Variants in PNPLA6 observed in about 807,000 individuals in gnomAD.
PNPLA6 encodes patatin like domain 6, lysophospholipase.
A neutral mutation model predicts 153.7 loss-of-function variants in PNPLA6; 105 were observed. The observed-to-expected ratio is 0.68, with a 90% CI of 0.58 to 0.80. PNPLA6 has a LOEUF of 0.80. PNPLA6 is among the 30% of genes least tolerant of loss of function. The probability of loss-of-function intolerance (pLI) is 0.00; values close to 1 mark genes in which losing one functional copy is unlikely to be tolerated. For missense variants in PNPLA6, 1,423 were observed against 1,919.3 expected, an observed-to-expected ratio of 0.74 and a Z score of 4.83; for synonymous variants, 825 against 822.2, an observed-to-expected ratio of 1.00 and a Z score of -0.06.
chr19:7,536,610 C>A, intron 3 of PNPLA6, 64 bp downstream of exon 3: 1 of 1,052,288 alleles, frequency 9.5e-7, no homozygotes, highest in Non-Finnish European at 1.5e-6. Context: ...GAGTAATCAG[C>A]TTACACCAAA....
chr19:7,557,151 T>G lies in PNPLA6; in HGVS notation c.3281-17T>G, dbSNP rs764598820. 6.3e-7 allele frequency: 1 copy of G among 1,581,012 alleles called. No homozygotes were observed. Among genetic ancestry groups the G allele is most frequent in the Admixed American group, 1.7e-5 (1 of 59,910 alleles). ...GCGTGTCTGTGCGTGTTTGTGTCTG[T>G]GTGTCCCACCGCGCAGGCTCCCTGT... On this transcript the variant is annotated splice_polypyrimidine_tract_variant and intron_variant, in intron 26 of 31. Coordinates refer to ENST00000600737, the MANE Select transcript of PNPLA6 (RefSeq NM_001166114.2).
intron 16 of PNPLA6, 74 bp downstream of exon 16, chr19:7,550,714 C>A: frequency 2.5e-6 from 4 of 1,570,572 alleles, no homozygotes; most frequent in East Asian, 2.3e-5. Context: ...CACATCATCC[C>A]GGGTAATCCA....
At position 7,561,121 on chromosome 19, in the gene PNPLA6, C is replaced by A; in HGVS notation, c.3913+11C>A. The A allele has an allele frequency of 6.4e-7, 1 of 1,554,838 alleles. No homozygotes were observed. The highest frequency in any genetic ancestry group is 8.6e-7 in the Non-Finnish European group (1 of 1,156,322). Reference sequence around the variant, plus strand: ...ATGGCTGTGCTGACGGTGAGGGGCCCAGGGGACCCCCCAAGAGGGAGGGGA... The same window carrying A: ...ATGGCTGTGCTGACGGTGAGGGGCCAAGGGGACCCCCCAAGAGGGAGGGGA... On this transcript the variant is annotated intron_variant, in intron 30 of 31. Coordinates refer to ENST00000600737, the MANE Select transcript of PNPLA6 (RefSeq NM_001166114.2).
In PNPLA6 at chr19:7,541,786, C is replaced by T. The variant is rs1404742373; in HGVS notation, c.1168+102C>T. On this transcript the variant is annotated intron_variant, in intron 9 of 31. Coordinates refer to ENST00000600737, the MANE Select transcript of PNPLA6 (RefSeq NM_001166114.2). This position sits in a 1 kb window ranked among gnomAD's most constrained non-coding sequence, Gnocchi z 5.2. ...CTGCATAGAGTCAACCTGACCTTGT[C>T]CAGCCCCACAGGGACTCCATAGCGG... 8.2e-6 allele frequency: 11 copies of T among 1,348,620 alleles called. No individual in the cohort carries two copies. Among genetic ancestry groups the T allele is most frequent in the African/African-American group, 1.4e-5 (1 of 69,606 alleles). 83.5% of individuals were successfully genotyped at this position (1,348,620 alleles called of 1,614,324 possible). A position where few individuals can be genotyped will look rare whatever the true frequency, so the allele number is the denominator to read the frequency against.
In PNPLA6 at chr19:7,555,863, G is replaced by A. The variant is rs1298699333; in HGVS notation, c.3093+100G>A. The A allele has an allele frequency of 2.4e-6, 3 of 1,247,940 alleles. No individual in the cohort carries two copies. The highest frequency in any genetic ancestry group is 2.9e-5 in the African/African-American group (2 of 68,234). 77.3% of individuals were successfully genotyped at this position (1,247,940 alleles called of 1,614,324 possible). A position where few individuals can be genotyped will look rare whatever the true frequency, so the allele number is the denominator to read the frequency against. On this transcript the variant is annotated intron_variant, in intron 24 of 31. Coordinates refer to ENST00000600737, the MANE Select transcript of PNPLA6 (RefSeq NM_001166114.2). The surrounding 1 kb of genome is among the most constrained non-coding windows in gnomAD (Gnocchi z 6.3). ...ATGGGGGAGCCTCCGGGGTCAGGGTGACCCTTCCTGATTAAATCTATGATC... is the reference window on the plus strand; with the variant it reads ...ATGGGGGAGCCTCCGGGGTCAGGGTAACCCTTCCTGATTAAATCTATGATC...
chr19:7,557,437 C>T (rs2023931482), intron 27 of PNPLA6, 153 bp downstream of exon 27: 1 of 688,892 alleles, frequency 1.5e-6, no homozygotes, highest in Admixed American at 2.0e-5. Flanking sequence ...CATACGATCA[C>T]TTGCACAAAA....
intron 2 of PNPLA6, 66 bp downstream of exon 2, chr19:7,536,339 T>G: frequency 1.4e-6 from 2 of 1,442,850 alleles, no homozygotes; most frequent in Non-Finnish European, 2.0e-6. Context: ...CTATTTACAC[T>G]TCTTAGTGTC....
At chr19:7,546,105 T>C (rs2023376360) in intron 13 of PNPLA6, among the ~76,000 whole-genome samples, 1 of 151,986 alleles carries the variant, frequency 6.6e-6, no homozygotes, top group Non-Finnish European at 1.5e-5. Flanking sequence ...TCTAAGGGCA[T>C]GACCTAAGAA....
At chr19:7,536,380 C>A in intron 2 of PNPLA6, 69 bp from the exon 3 acceptor site, 1 of 1,392,844 alleles carries the variant, frequency 7.2e-7, no homozygotes, top group Non-Finnish European at 1.0e-6. Flanking sequence ...TGGAGACCCC[C>A]TGGATCCGTC....
intron 18 of PNPLA6, among the ~76,000 whole-genome samples, chr19:7,551,805 G>C (rs1324693676): frequency 6.6e-6 from 1 of 152,144 alleles, no homozygotes; most frequent in African/African-American, 2.4e-5. Context: ...TCCTAGATCA[G>C]AATATGATGG....
chr19:7,542,508 A>C (rs891538199), intron 10 of PNPLA6, 53 bp from the exon 11 acceptor site: 1 of 1,401,466 alleles, frequency 7.1e-7, no homozygotes, highest in Admixed American at 1.7e-5. Context: ...CTCATTTTTT[A>C]AAAATCTTAC....
chr19:7,541,629 G>A lies in PNPLA6; in HGVS notation c.1113G>A (p.Arg371=). The A allele has an allele frequency of 1.9e-6, 3 of 1,588,588 alleles. No individual in the cohort carries two copies. The highest frequency in any genetic ancestry group is 2.6e-6 in the Non-Finnish European group (3 of 1,168,192). Residue 371 remains arginine (R), a synonymous_variant, in exon 9 of 32, where the codon AGG becomes AGA. Coordinates refer to ENST00000600737, the MANE Select transcript of PNPLA6 (RefSeq NM_001166114.2). The surrounding 1 kb of genome is among the most constrained non-coding windows in gnomAD (Gnocchi z 5.2). ...GCACCTCAGCTACAGACGAGCCCAG[G>A]GAGACCCCAGGGCGGCCACCCGATC... The part of the protein sequence containing the change: ...MVSTSATDEP[R]ETPGRPPDPT...
chr19:7,537,833 G>A (rs1461979581), intron 3 of PNPLA6, among the ~76,000 whole-genome samples: 2 of 152,048 alleles, frequency 1.3e-5, no homozygotes, highest in African/African-American at 4.8e-5. Flanking sequence ...GTAGAGACGG[G>A]GTTTCACCAT....
rs779862089 is a variant in PNPLA6 at position 7,541,943 on chromosome 19, T to C, written c.1169-41T>C. 1.4e-5 allele frequency: 21 copies of C among 1,522,914 alleles called. No individual in the cohort carries two copies. The highest frequency in any genetic ancestry group is 1.7e-5 in the Non-Finnish European group (19 of 1,103,936). The allele number at this position is 1,522,914 out of a possible 1,614,324, so 94.3% of individuals were successfully genotyped here. A position where few individuals can be genotyped will look rare whatever the true frequency, so the allele number is the denominator to read the frequency against. On this transcript the variant is annotated intron_variant, in intron 9 of 31. Transcript: ENST00000600737. The surrounding 1 kb of genome is among the most constrained non-coding windows in gnomAD (Gnocchi z 5.2). ...TCTCCCAACCTGCTAATCCTCCTAG[T>C]GGCTCTGAGGGGCAGGAGCCTGAAC...
intron 3 of PNPLA6, 128 bp downstream of exon 3, chr19:7,536,674 T>C (rs960001176): frequency 1.6e-5 from 12 of 730,672 alleles, no homozygotes; most frequent in South Asian, 4.4e-5. Flanking sequence ...TGCCTGTAAT[T>C]CCCAGCACTT....
intron 3 of PNPLA6, among the ~76,000 whole-genome samples, chr19:7,537,686 G>C (rs1485082360): frequency 1.3e-5 from 2 of 152,144 alleles, no homozygotes; most frequent in Admixed American, 1.3e-4. Context: ...TCTGTCACTA[G>C]GCTAGAGTGC....
chr19:7,551,571 AAACCCT>A (rs1342656964), intron 18 of PNPLA6, 134 bp downstream of exon 18: 50 of 786,564 alleles, frequency 6.4e-5, no homozygotes, highest in Non-Finnish European at 1.1e-4. Flanking sequence ...TGAGGGTTTC[AAACCCT>A]AAGTAGGACC....
chr19:7,548,405 CAAAAAAA>C (rs111556976), intron 13 of PNPLA6, among the ~76,000 whole-genome samples: 2 of 145,134 alleles, frequency 1.4e-5, no homozygotes, highest in Non-Finnish European at 3.0e-5. Context: ...AAAAAAATCG[CAAAAAAA>C]AAAAAAAAAT....
chr19:7,535,669 G>A (rs2022821478), upstream of PNPLA6: 1 of 1,537,538 alleles, frequency 6.5e-7, no homozygotes, highest in South Asian at 1.2e-5. This position sits in a 1 kb window ranked among gnomAD's most constrained non-coding sequence, Gnocchi z 5.0. Context: ...TACGTGGTCT[G>A]GCGATAACGC....
Sources: gnomAD v4.1 joint callset for allele counts (sites outside exome capture counted in the v4.1 genomes callset) on GRCh38, gnomAD v4.1.1 for gene constraint, Gnocchi (gnomAD v3.1) non-coding constraint, MANE v1.5 for transcripts, NCBI Gene and HGNC (gene_info 2026-07-23, HGNC 2026-07-21) for gene names.